RIMBP2: variants seen among roughly 807,000 people sequenced by gnomAD.
RIMBP2 encodes the protein RIMS binding protein 2.
RIMBP2 carries 48 observed loss-of-function variants against 118.6 expected under a neutral mutation model. That is an observed-to-expected ratio of 0.40 (90% CI 0.32 to 0.51). The LOEUF is 0.51. RIMBP2 is among the 20% of genes least tolerant of loss of function. The probability of loss-of-function intolerance (pLI) is 0.41; values close to 1 mark genes in which losing one functional copy is unlikely to be tolerated. For missense variants in RIMBP2, 1,551 were observed against 1,768.3 expected (o/e 0.88, Z 2.20); for synonymous variants, 762 against 742.9 (o/e 1.03, Z -0.42).
intron 3 of RIMBP2, among the ~76,000 whole-genome samples, chr12:130,512,391 T>C (rs2051005248): frequency 6.6e-6 from 1 of 152,178 alleles, no homozygotes; most frequent in Admixed American, 6.5e-5. Flanking sequence ...GGCATGATCT[T>C]GGCTCACTGC....
chr12:130,477,087 G>C (rs2138044438), intron 5 of RIMBP2, among the ~76,000 whole-genome samples: 1 of 152,300 alleles, frequency 6.6e-6, no homozygotes, highest in Admixed American at 6.5e-5. Flanking sequence ...ATTTCATCCA[G>C]TTTCTCTCCC....
chr12:130,661,638 A>T (rs953387854), intron 1 of RIMBP2, among the ~76,000 whole-genome samples: 3 of 152,198 alleles, frequency 2.0e-5, no homozygotes, highest in African/African-American at 7.2e-5. Context: ...AGCTTACGTA[A>T]CTACACGCAA....
intron 3 of RIMBP2, among the ~76,000 whole-genome samples, chr12:130,516,297 G>A (rs1224222125): frequency 2.6e-5 from 4 of 152,202 alleles, no homozygotes; most frequent in African/African-American, 9.6e-5. Context: ...CATGGGCAAA[G>A]CTGCAAAATT....
intron 1 of RIMBP2, among the ~76,000 whole-genome samples, chr12:130,650,037 A>G (rs954813356): frequency 2.0e-5 from 3 of 151,794 alleles, no homozygotes; most frequent in Non-Finnish European, 2.9e-5. Flanking sequence ...TGAAAAAAAA[A>G]AACCAAACCT....
In RIMBP2 at chr12:130,698,923, C is replaced by T. The variant is rs574335443; in HGVS notation, c.-352+17299G>A. 4.5e-3 allele frequency among the ~76,000 whole-genome samples: 687 copies of T among 151,698 alleles called. 7 individuals carry two copies. The highest frequency in any genetic ancestry group is 0.016 in the African/African-American group (654 of 41,214). On this transcript the variant is annotated intron_variant, in intron 1 of 22. Transcript: ENST00000690449. ...ACCCCATCAAAAAGTGGGTGAAGGA[C>T]ATGAACAGACACTTCTCAAAAGAAG... is the stretch of plus-strand genomic sequence containing the variant.
At chr12:130,647,217 G>C (rs1354505574) in intron 1 of RIMBP2, among the ~76,000 whole-genome samples, 2 of 152,172 alleles carry the variant, frequency 1.3e-5, no homozygotes, top group Non-Finnish European at 2.9e-5. Context: ...ACAAAAATTA[G>C]CGAGGCGTGA....
intron 2 of RIMBP2, among the ~76,000 whole-genome samples, chr12:130,548,888 AC>A: frequency 1.3e-5 from 2 of 151,760 alleles, no homozygotes; most frequent in Non-Finnish European, 2.9e-5. Context: ...TGCCCAGCCT[AC>A]CTCTTGGACT....
At chr12:130,637,940 G>A (rs762025764) in intron 1 of RIMBP2, among the ~76,000 whole-genome samples, 1 of 131,328 alleles carries the variant, frequency 7.6e-6, no homozygotes, top group African/African-American at 2.7e-5. Context: ...TGACTGTGTA[G>A]ACAGTTGGGA....
intron 2 of RIMBP2, among the ~76,000 whole-genome samples, chr12:130,552,537 CT>C (rs1464602745): frequency 6.6e-6 from 1 of 152,152 alleles, no homozygotes; most frequent in Non-Finnish European, 1.5e-5. Context: ...TAGTACTCCA[CT>C]AAAATATGAC....
intron 11 of RIMBP2, among the ~76,000 whole-genome samples, chr12:130,441,166 G>T (rs1391816692): frequency 6.6e-6 from 1 of 152,082 alleles, no homozygotes; most frequent in Admixed American, 6.6e-5. Context: ...ACTTTGAGAG[G>T]CTGAGGCAGG....
At chr12:130,624,881 C>T (rs995521254) in intron 2 of RIMBP2, among the ~76,000 whole-genome samples, 8 of 152,230 alleles carry the variant, frequency 5.3e-5, no homozygotes, top group African/African-American at 1.4e-4. Context: ...CACGACCCCA[C>T]GCCCAGCTAA....
At chr12:130,490,657 A>AT (rs1309451446) in intron 4 of RIMBP2, among the ~76,000 whole-genome samples, 1 of 152,236 alleles carries the variant, frequency 6.6e-6, no homozygotes, top group Non-Finnish European at 1.5e-5. Flanking sequence ...GCCAGGAAAC[A>AT]ACATCTTAAG....
chr12:130,445,728 A>T (rs2078465639), intron 9 of RIMBP2, among the ~76,000 whole-genome samples: 1 of 152,182 alleles, frequency 6.6e-6, no homozygotes, highest in Non-Finnish European at 1.5e-5. Flanking sequence ...ACCTCTTGAA[A>T]TATTATCATC....
chr12:130,436,921 G>T lies in RIMBP2; in HGVS notation c.2027C>A (p.Pro676Gln), dbSNP rs754458624. Residue 676 changes from proline to glutamine, a missense_variant, in exon 13 of 23, where the codon CCA becomes CAA. Transcript: ENST00000690449. ...GGTGGTGGACACCGGGGTGCCCTGT[G>T]GCTGTGGCAGGATGCGGCTGGGTGA... Reference protein sequence around the residue: ...SPSPSRILPQPQGTPVSTTVA... With the variant: ...SPSPSRILPQQQGTPVSTTVA... The T allele has an allele frequency of 6.2e-7, 1 of 1,603,008 alleles. No individual in the cohort carries two copies. The highest frequency in any genetic ancestry group is 2.2e-5 in the East Asian group (1 of 44,474).
At chr12:130,655,864 C>T (rs536761256) in intron 1 of RIMBP2, among the ~76,000 whole-genome samples, 33 of 152,336 alleles carry the variant, frequency 2.2e-4, no homozygotes, top group African/African-American at 5.8e-4. Flanking sequence ...GCACAGGCGA[C>T]GGGAATGTGG....
rs1156536098 is a variant in RIMBP2, at chr12:130,511,066, T to C, written c.-126-4296A>G. Among the ~76,000 whole-genome samples the C allele has an allele frequency of 2.0e-5, 3 of 152,188 alleles. No individual in the cohort carries two copies. The highest frequency in any genetic ancestry group is 4.4e-5 in the Non-Finnish European group (3 of 68,040). ...GCAGAACGGACCCTGAAGATGGGAT[T>C]GCATGGAGCATCCTGAGAGTGGGAG... is the stretch of plus-strand genomic sequence containing the variant. On this transcript the variant is annotated intron_variant, in intron 3 of 22. Transcript: ENST00000690449. This position sits in a 1 kb window ranked among gnomAD's most constrained non-coding sequence, Gnocchi z 4.3.
rs566982237 is a variant in RIMBP2, at chr12:130,615,148, CATAT to C, written c.-217+13170_-217+13173del. Among the ~76,000 whole-genome samples, 329 of 145,428 alleles carry C rather than the reference CATAT, an allele frequency of 2.3e-3. 2 individuals are homozygous for C. The highest frequency in any genetic ancestry group is 4.2e-3 in the African/African-American group (168 of 39,820). On this transcript the variant is annotated intron_variant, in intron 2 of 22. Coordinates refer to ENST00000690449, the MANE Select transcript of RIMBP2 (RefSeq NM_001393629.1). ...GTATTATGTATACATTATGTATATA[CATAT>C]ATATTATATTGTATATTATATAATA...
chr12:130,449,078 T>C (rs56213335), intron 9 of RIMBP2, among the ~76,000 whole-genome samples: 41,012 of 152,166 alleles, frequency 0.27, 6,107 homozygotes, highest in Admixed American at 0.39. Context: ...GGCTGCCCGA[T>C]GCCAGCTGAA....
chr12:130,481,925 C>T (rs1358627823), intron 4 of RIMBP2, among the ~76,000 whole-genome samples: 1 of 133,780 alleles, frequency 7.5e-6, no homozygotes, highest in African/African-American at 2.5e-5. Context: ...CCCCCCGACC[C>T]CCCAAGCCGC....
Sources: gnomAD v4.1 joint callset for allele counts (sites outside exome capture counted in the v4.1 genomes callset) on GRCh38, gnomAD v4.1.1 for gene constraint, Gnocchi (gnomAD v3.1) non-coding constraint, MANE v1.5 for transcripts, NCBI Gene and HGNC (gene_info 2026-07-23, HGNC 2026-07-21) for gene names.